The following CEP290 variants were observed in gnomAD, a reference collection of about 807,000 sequenced individuals.
The protein encoded by CEP290 is centrosomal protein 290.
CEP290 carries 317 observed loss-of-function variants against 344.9 expected under a neutral mutation model. The observed-to-expected ratio is 0.92, with a 90% confidence interval of 0.84 to 1.01. The LOEUF is 1.01. CEP290 is among the 50% of genes least tolerant of loss of function. The pLI is 0.00. For missense variants in CEP290, 2,754 were observed against 2,761.4 expected, an observed-to-expected ratio of 1.00 and a Z score of 0.06; for synonymous variants, 932 against 895.8, an observed-to-expected ratio of 1.04 and a Z score of -0.72.
At chr12:88,109,239 A>T (rs1047166378) in intron 22 of CEP290, 58 bp from the exon 23 acceptor site, 9 of 618,204 alleles carry the variant, frequency 1.5e-5, no homozygotes, top group Non-Finnish European at 2.5e-5. Flanking sequence ...TAAATGCTGA[A>T]TTTGAAAGTA....
In CEP290 at chr12:88,090,830, C is replaced by G; in HGVS notation, c.3471G>C (p.Glu1157Asp). 6.5e-7 allele frequency: 1 copy of G among 1,544,168 alleles called. No individual in the cohort carries two copies. Among genetic ancestry groups the G allele is most frequent in the South Asian group, 1.2e-5 (1 of 83,796 alleles). ...CTTGTCTTCTGGCAATATCAGAAATCTCTCTCAGTCTAGGAAATGATAAGG... is the reference window on the plus strand; with the variant it reads ...CTTGTCTTCTGGCAATATCAGAAATGTCTCTCAGTCTAGGAAATGATAAGG... ...ELKVEVSKLREISDIARRQVE... is the reference protein window; with the variant it reads ...ELKVEVSKLRDISDIARRQVE... Residue 1157 changes from glutamate (E) to aspartate (D), a missense_variant, in exon 30 of 54, where the codon GAG becomes GAC. By Grantham distance (45) the Glu-to-Asp change is conservative. Transcript: ENST00000552810.
At chr12:88,102,581 A>G (rs2037973361) in intron 26 of CEP290, among the ~76,000 whole-genome samples, 1 of 152,174 alleles carries the variant, frequency 6.6e-6, no homozygotes, top group Non-Finnish European at 1.5e-5. Flanking sequence ...CAAGTGACCT[A>G]AGGAGAATGA....
chr12:88,049,587 C>A (rs1026313896), intron 53 of CEP290, 173 bp from the exon 54 acceptor site: 18 of 507,652 alleles, frequency 3.5e-5, no homozygotes, highest in Non-Finnish European at 6.3e-5. Flanking sequence ...GTGTAAATAA[C>A]TAAGTTGTTA....
Position 88,080,380 on chromosome 12 carries a change from A to T in CEP290, c.5028T>A (p.His1676Gln), listed in dbSNP as rs775086368. The part of the protein sequence containing the change: ...ENIKLQLQEN[H>Q]EDEVKKVKAE... ...CTTTTACTTTTTTCACTTCATCTTC[A>T]TGGTTTTCTTGAAGCCTGATGTAAA... Residue 1676 changes from histidine to glutamine, a missense_variant, in exon 38 of 54, where the codon CAT (histidine) becomes CAA (glutamine). Coordinates refer to ENST00000552810, the MANE Select transcript of CEP290 (RefSeq NM_025114.4). 1.9e-6 allele frequency: 3 copies of T among 1,611,830 alleles called. No individual in the cohort carries two copies. In the East Asian group the frequency reaches 6.7e-5, roughly 36 times the overall value.
Position 88,049,635 on chromosome 12 carries a change from C to G in CEP290, c.7210-221G>C. On this transcript the variant is annotated intron_variant, in intron 53 of 53. Transcript: ENST00000552810. ...AGTTATGTATTCTGTAAGTTGTGTTCTAGTCTTTGACTAAAATTTATCATC... is the reference window on the plus strand; with the variant it reads ...AGTTATGTATTCTGTAAGTTGTGTTGTAGTCTTTGACTAAAATTTATCATC... 3 of 377,808 alleles carry G rather than the reference C, an allele frequency of 7.9e-6. No homozygotes were observed. In the South Asian group the frequency reaches 1.3e-4, roughly 16 times the overall value. 23.4% of individuals were successfully genotyped at this position (377,808 alleles called of 1,614,324 possible).
chr12:88,116,184 A>G (rs187278199), intron 18 of CEP290: 2 of 337,326 alleles, frequency 5.9e-6, no homozygotes, highest in Non-Finnish European at 8.4e-6. Context: ...CACCTTCTTC[A>G]TACAGTCATC....
chr12:88,121,613 CAAAA>C (rs34457278), intron 13 of CEP290, among the ~76,000 whole-genome samples: 115 of 137,008 alleles, frequency 8.4e-4, no homozygotes, highest in African/African-American at 2.8e-3. Flanking sequence ...ATGTGAATTT[CAAAA>C]AAAAAAAAAA....
intron 44 of CEP290, among the ~76,000 whole-genome samples, chr12:88,065,736 A>G (rs1176150520): frequency 1.3e-5 from 2 of 152,202 alleles, no homozygotes; most frequent in Admixed American, 1.3e-4. Flanking sequence ...GGAAGATCTC[A>G]CATGAGGATA....
In CEP290 at chr12:88,060,029, AAAAC is replaced by A. The variant is rs779782832; in HGVS notation, c.6523-13_6523-10del. On this transcript the variant is annotated splice_polypyrimidine_tract_variant and intron_variant, in intron 47 of 53. Coordinates refer to ENST00000552810, the MANE Select transcript of CEP290 (RefSeq NM_025114.4). ...AGTTTTTCTAATTCAGCCTAGTAAA[AAAAC>A]AAACAAAATAAAAAGTATACATTAT... 3 of 1,521,000 alleles carry A rather than the reference AAAAC, an allele frequency of 2.0e-6. No homozygotes were observed. Among genetic ancestry groups the A allele is most frequent in the Admixed American group, 2.3e-5 (1 of 42,636 alleles). The allele number at this position is 1,521,000 out of a possible 1,614,324, so 94.2% of individuals were successfully genotyped here.
rs1253867962 is a variant in CEP290 at position 88,059,976 on chromosome 12, G to A, written c.6567C>T (p.Ser2189=). 6.3e-7 allele frequency: 1 copy of A among 1,582,344 alleles called. No individual in the cohort carries two copies. The highest frequency in any genetic ancestry group is 2.3e-5 in the East Asian group (1 of 44,150). Residue 2189 remains serine, a synonymous_variant, in exon 48 of 54, where the codon AGC becomes AGT. Coordinates refer to ENST00000552810, the MANE Select transcript of CEP290 (RefSeq NM_025114.4). The part of the protein sequence containing the change: ...KLKAHLGHQL[S]MHYESKTKGT... ...CTTTGGTCTTGGATTCATAGTGCAT[G>A]CTCAACTGATGCCCAAGATGAGCTT... is the stretch of plus-strand genomic sequence containing the variant.
At chr12:88,119,265 A>G (rs2039258669) in intron 15 of CEP290, among the ~76,000 whole-genome samples, 1 of 152,214 alleles carries the variant, frequency 6.6e-6, no homozygotes, top group South Asian at 2.1e-4. Flanking sequence ...TTAACTAAGA[A>G]AGCATTAAAT....
intron 12 of CEP290, among the ~76,000 whole-genome samples, chr12:88,125,953 G>A (rs1277837035): frequency 6.6e-6 from 1 of 151,546 alleles, no homozygotes; most frequent in African/African-American, 2.4e-5. Context: ...CATTGTATAG[G>A]GTATGTTAGG....
chr12:88,122,264 A>G (rs2039450265), intron 13 of CEP290, among the ~76,000 whole-genome samples: 1 of 151,858 alleles, frequency 6.6e-6, no homozygotes, highest in Non-Finnish European at 1.5e-5. Context: ...CACAATAAAC[A>G]CTATATTTAC....
chr12:88,116,726 G>C (rs1021898474), intron 18 of CEP290, among the ~76,000 whole-genome samples: 3 of 152,140 alleles, frequency 2.0e-5, no homozygotes, highest in Admixed American at 1.3e-4. Flanking sequence ...TGTAATCCCA[G>C]CACTTTGGGA....
Position 88,071,463 on chromosome 12 carries a change from T to C in CEP290, c.5856-14A>G, listed in dbSNP as rs1308812317. 2.5e-6 allele frequency: 4 copies of C among 1,584,640 alleles called. No homozygotes were observed. The Admixed American group carries it at 5.7e-5, about 22-fold the overall frequency. On this transcript the variant is annotated splice_polypyrimidine_tract_variant and intron_variant, in intron 42 of 53. Coordinates refer to ENST00000552810, the MANE Select transcript of CEP290 (RefSeq NM_025114.4). ...TCTTTATCGGCTCTGTGGAATTTAA[T>C]ATAGAATCATGAAATATACCATTCA...
chr12:88,092,479 C>T (rs1018592852), intron 29 of CEP290, among the ~76,000 whole-genome samples: 1 of 152,130 alleles, frequency 6.6e-6, no homozygotes, highest in African/African-American at 2.4e-5. Context: ...TGAGAGGTCA[C>T]TTCCTCTTTA....
chr12:88,071,586 G>A (rs966667187), intron 42 of CEP290, 137 bp from the exon 43 acceptor site: 2 of 865,268 alleles, frequency 2.3e-6, no homozygotes, highest in Non-Finnish European at 3.4e-6. Flanking sequence ...GAGATCACAG[G>A]AAAATCCATC....
Position 88,120,995 on chromosome 12 carries a change from A to G in CEP290, c.1359+2T>C. 1 of 1,608,180 alleles carries G rather than the reference A, an allele frequency of 6.2e-7. No individual in the cohort carries two copies. On this transcript the variant is annotated splice_donor_variant, in intron 14 of 53. Coordinates refer to ENST00000552810, the MANE Select transcript of CEP290 (RefSeq NM_025114.4). LOFTEE classifies it high-confidence loss of function. ...CTTGAATGACAAGATAAAAATACAT[A>G]CCGATTCATAATCTTTTAACCTCTT...
intron 7 of CEP290, among the ~76,000 whole-genome samples, chr12:88,130,850 T>G (rs2040024806): frequency 6.6e-6 from 1 of 152,030 alleles, no homozygotes; most frequent in Non-Finnish European, 1.5e-5. Flanking sequence ...ACAAAAAATT[T>G]TAAAGGATTC....
Sources: allele counts gnomAD v4.1 joint callset (sites outside exome capture counted in the v4.1 genomes callset), GRCh38; gene constraint gnomAD v4.1.1; transcripts MANE v1.5; gene names NCBI Gene and HGNC (gene_info 2026-07-23, HGNC 2026-07-21).